Variants in MMRN1 observed in about 807,000 individuals in gnomAD.
MMRN1 encodes the protein multimerin-1.
Under a neutral mutation model 100.7 loss-of-function variants are expected in MMRN1, and 94 were observed. The ratio of observed to expected loss-of-function variants is 0.93; its 90% confidence interval spans 0.79 to 1.11. The LOEUF is 1.11. Ranked by LOEUF, MMRN1 falls within the 50% of genes least tolerant of loss-of-function variation. The pLI, the probability that MMRN1 is intolerant of heterozygous loss-of-function variation, is 0.00. For synonymous variants in MMRN1, 575 were observed against 505.0 expected (o/e 1.14, Z -1.86); for missense variants, 1,606 against 1,439.1 (o/e 1.12, Z -1.88).
At chr4:89,920,015 G>A (rs1481202627) in intron 3 of MMRN1, among the ~76,000 whole-genome samples, 1 of 152,080 alleles carries the variant, frequency 6.6e-6, no homozygotes, top group Non-Finnish European at 1.5e-5. Flanking sequence ...CCAACAAAAT[G>A]CTAATTCTGA....
At chr4:89,901,183 G>C (rs1312788710) in intron 1 of MMRN1, among the ~76,000 whole-genome samples, 1 of 150,526 alleles carries the variant, frequency 6.6e-6, no homozygotes, top group Admixed American at 6.6e-5. Context: ...GGAGAAAGTG[G>C]TCAGAAGCCA....
Position 89,936,236 on chromosome 4 carries a change from C to T in MMRN1, c.2556C>T (p.Thr852=). Residue 852 remains threonine (T), a synonymous_variant, in exon 6 of 8, where the codon ACC becomes ACT. Coordinates refer to ENST00000264790, the MANE Select transcript of MMRN1 (RefSeq NM_007351.3). ...TGGAAGAAAAACTACTCTTAACTAC[C>T]AAGATTTCCAAAAATTTTGAGACTC... ...SHLEEKLLLT[T]KISKNFETRL... 3 of 1,603,970 alleles carry T rather than the reference C, an allele frequency of 1.9e-6. No homozygotes were observed. The highest frequency in any genetic ancestry group is 2.5e-6 in the Non-Finnish European group (3 of 1,177,270).
chr4:89,942,308 G>T (rs1228173262), intron 6 of MMRN1, among the ~76,000 whole-genome samples: 1 of 152,014 alleles, frequency 6.6e-6, no homozygotes, highest in African/African-American at 2.4e-5. Flanking sequence ...ATATATTTTT[G>T]TACTGGTCAT....
chr4:89,882,293 A>G (rs980465115), intron 1 of MMRN1, among the ~76,000 whole-genome samples: 2 of 150,868 alleles, frequency 1.3e-5, no homozygotes, highest in African/African-American at 4.9e-5. Context: ...TATTTTGTAT[A>G]ACAGTATATA....
chr4:89,910,301 A>G (rs1721707810), intron 2 of MMRN1, among the ~76,000 whole-genome samples: 1 of 151,454 alleles, frequency 6.6e-6, no homozygotes, highest in Non-Finnish European at 1.5e-5. Flanking sequence ...TACGAGACAC[A>G]AAGAATGCAT....
chr4:89,921,450 C>A (rs1722085565), intron 3 of MMRN1, among the ~76,000 whole-genome samples: 1 of 152,030 alleles, frequency 6.6e-6, no homozygotes, highest in Non-Finnish European at 1.5e-5. Context: ...GAATAAAATG[C>A]CTTAGTACAC....
intron 7 of MMRN1, among the ~76,000 whole-genome samples, chr4:89,952,178 C>T (rs1177675421): frequency 6.6e-6 from 1 of 152,134 alleles, no homozygotes; most frequent in Non-Finnish European, 1.5e-5. Context: ...AACACGTTTT[C>T]TGTGAAGGTT....
Position 89,953,374 on chromosome 4 carries a change from C to A in MMRN1, c.3643C>A (p.Pro1215Thr), listed in dbSNP as rs773614750. Residue 1215 changes from proline (P) to threonine (T), a missense_variant, in exon 8 of 8, where the codon CCC becomes ACC. Pro to Thr is a conservative substitution (Grantham distance 38). Transcript: ENST00000264790. ...LAKGTIPAKFPPVTTFSGYLL... is the reference protein window; with the variant it reads ...LAKGTIPAKFTPVTTFSGYLL... ...AAAAGGAACAATTCCAGCCAAGTTTCCCCCTGTTACTACATTTAGTGGCTA... is the reference window on the plus strand; with the variant it reads ...AAAAGGAACAATTCCAGCCAAGTTTACCCCTGTTACTACATTTAGTGGCTA... The A allele has an allele frequency of 5.0e-6, 8 of 1,612,344 alleles. No homozygotes were observed. The highest frequency in any genetic ancestry group is 1.7e-5 in the Admixed American group (1 of 59,812).
chr4:89,901,463 T>C (rs1488756698), intron 1 of MMRN1, among the ~76,000 whole-genome samples: 3 of 152,094 alleles, frequency 2.0e-5, no homozygotes, highest in Non-Finnish European at 4.4e-5. Context: ...TAAATTCTGC[T>C]GTCATACTTT....
upstream of MMRN1, among the ~76,000 whole-genome samples, chr4:89,892,491 AAAG>A (rs1721077368): frequency 6.6e-6 from 1 of 151,876 alleles, no homozygotes. Context: ...TTAGTCTCAG[AAAG>A]AAGAATTTGA....
chr4:89,888,098 T>C (rs1025327371), intron 1 of MMRN1, among the ~76,000 whole-genome samples: 1 of 151,254 alleles, frequency 6.6e-6, no homozygotes, highest in Non-Finnish European at 1.5e-5. Flanking sequence ...GATAAGATAA[T>C]ATCAAATTTG....
At chr4:89,908,558 T>G (rs1010231575) in intron 1 of MMRN1, among the ~76,000 whole-genome samples, 6 of 151,646 alleles carry the variant, frequency 4.0e-5, no homozygotes, top group African/African-American at 1.4e-4. Context: ...TTTAAAATTT[T>G]TACTTATTAA....
intron 1 of MMRN1, among the ~76,000 whole-genome samples, chr4:89,899,109 A>G (rs116626993): frequency 0.011 from 1,702 of 152,184 alleles, 34 homozygotes; most frequent in African/African-American, 0.038. Context: ...GAATTTTATA[A>G]TAATTCTTAG....
rs113949129 is a variant in MMRN1, at chr4:89,946,994, G to A, written c.3119-4611G>A. ...GAAGTTGTGGAAAGTTCGCTTAAAT[G>A]GATTCACTTCTGGGCACAGTGGCTC... On this transcript the variant is annotated intron_variant, in intron 6 of 7. Coordinates refer to ENST00000264790, the MANE Select transcript of MMRN1 (RefSeq NM_007351.3). 5.0e-3 allele frequency among the ~76,000 whole-genome samples: 765 copies of A among 152,004 alleles called. 6 individuals carry two copies. The highest frequency in any genetic ancestry group is 0.018 in the African/African-American group (737 of 41,506).
chr4:89,899,453 C>T (rs1425918398), intron 1 of MMRN1, among the ~76,000 whole-genome samples: 2 of 152,036 alleles, frequency 1.3e-5, no homozygotes, highest in Non-Finnish European at 2.9e-5. Context: ...CCTTATGGAA[C>T]CAACAGCCCA....
intron 5 of MMRN1, among the ~76,000 whole-genome samples, chr4:89,931,743 T>C (rs1456844312): frequency 3.3e-5 from 5 of 152,148 alleles, no homozygotes. Flanking sequence ...GTGAGACTTA[T>C]TCACTATCAT....
intron 3 of MMRN1, among the ~76,000 whole-genome samples, chr4:89,918,910 TA>T (rs1722003364): frequency 2.0e-5 from 3 of 151,824 alleles, no homozygotes; most frequent in Non-Finnish European, 4.4e-5. Context: ...TACTGAGATT[TA>T]AAAAAATTAA....
At chr4:89,902,359 A>G (rs914637066) in intron 1 of MMRN1, among the ~76,000 whole-genome samples, 1 of 124,092 alleles carries the variant, frequency 8.1e-6, no homozygotes. Flanking sequence ...ATAGAAGAGA[A>G]AAAAAACAAA....
At chr4:89,887,804 C>A (rs533220319) in intron 1 of MMRN1, among the ~76,000 whole-genome samples, 10 of 151,814 alleles carry the variant, frequency 6.6e-5, no homozygotes, top group African/African-American at 2.4e-4. Flanking sequence ...TCTTTGTGTT[C>A]CTCTGTCTTG....
Sources: gnomAD v4.1 joint callset for allele counts (sites outside exome capture counted in the v4.1 genomes callset) on GRCh38, gnomAD v4.1.1 for gene constraint, MANE v1.5 for transcripts, NCBI Gene and HGNC (gene_info 2026-07-23, HGNC 2026-07-21) for gene names.